PLA2G4D: variants seen among roughly 807,000 people sequenced by gnomAD.
PLA2G4D encodes phospholipase A2 group IVD.
A neutral mutation model predicts 94.4 loss-of-function variants in PLA2G4D; 80 were observed. The observed-to-expected ratio is 0.85, with a 90% CI of 0.71 to 1.02. PLA2G4D has a LOEUF of 1.02. PLA2G4D is among the 50% of genes least tolerant of loss of function. PLA2G4D has a pLI of 0.00. For synonymous variants in PLA2G4D, 438 were observed against 440.9 expected, an observed-to-expected ratio of 0.99 and a Z score of 0.08; for missense variants, 1,050 against 1,034.7, an observed-to-expected ratio of 1.01 and a Z score of -0.20.
intron 13 of PLA2G4D, among the ~76,000 whole-genome samples, chr15:42,078,842 C>T (rs572495329): frequency 6.6e-6 from 1 of 152,188 alleles, no homozygotes; most frequent in African/African-American, 2.4e-5. Context: ...AAAACAACAG[C>T]GTGAAAAAAT....
intron 14 of PLA2G4D, 35 bp from the exon 15 acceptor site, chr15:42,071,946 G>T (rs775121811): frequency 6.2e-7 from 1 of 1,608,114 alleles, no homozygotes; most frequent in African/African-American, 1.3e-5. Context: ...GGAGTGTGAG[G>T]GGAGTGGATT....
At chr15:42,069,819 A>G (rs1889765278) in intron 19 of PLA2G4D, 90 bp downstream of exon 19, 2 of 1,177,240 alleles carry the variant, frequency 1.7e-6, no homozygotes. Context: ...TGGCAGACTC[A>G]TTTCCCTTCC....
chr15:42,069,942 C>G lies in PLA2G4D; in HGVS notation c.2197G>C (p.Val733Leu). 6.9e-7 allele frequency: 1 copy of G among 1,447,282 alleles called. No individual in the cohort carries two copies. Among genetic ancestry groups the G allele is most frequent in the East Asian group, 3.0e-5 (1 of 33,680 alleles). The allele number at this position is 1,447,282 out of a possible 1,614,324, so 89.7% of individuals were successfully genotyped here. ...GAGTGGTCCTTGAAGGAGGCATTGACCAGCGGGAAGTGCAGCAGGATCGGG... is the reference window on the plus strand; with the variant it reads ...GAGTGGTCCTTGAAGGAGGCATTGAGCAGCGGGAAGTGCAGCAGGATCGGG... ...EAPILLHFPL[V>L]NASFKDHSAP... Residue 733 changes from valine to leucine, a missense_variant, in exon 19 of 20, where the codon GTC becomes CTC. Physicochemically the swap from Val to Leu is conservative, Grantham distance 32 (BLOSUM62 1). Transcript: ENST00000290472.
chr15:42,087,151 C>A, intron 3 of PLA2G4D, 149 bp downstream of exon 3: 3 of 1,038,224 alleles, frequency 2.9e-6, no homozygotes, highest in Non-Finnish European at 4.3e-6. Context: ...CATTCCCTTG[C>A]ACACAGCACA....
chr15:42,081,269 C>T, intron 11 of PLA2G4D, 136 bp from the exon 12 acceptor site: 1 of 1,452,792 alleles, frequency 6.9e-7, no homozygotes, highest in East Asian at 2.3e-5. Context: ...AGGGTTAGAG[C>T]TGGGTCCAGC....
chr15:42,077,293 A>G (rs1889949487), intron 13 of PLA2G4D, among the ~76,000 whole-genome samples: 1 of 152,256 alleles, frequency 6.6e-6, no homozygotes, highest in Admixed American at 6.5e-5. Context: ...AGAAAGCTAC[A>G]GGCCAAGATC....
rs979511154 is a variant in PLA2G4D at position 42,084,363 on chromosome 15, C to A, written c.472-584G>T. Among the ~76,000 whole-genome samples the A allele has an allele frequency of 1.3e-5, 2 of 152,204 alleles. No homozygotes were observed. The highest frequency in any genetic ancestry group is 2.9e-5 in the Non-Finnish European group (2 of 68,030). On this transcript the variant is annotated intron_variant, in intron 6 of 19. Coordinates refer to ENST00000290472, the MANE Select transcript of PLA2G4D (RefSeq NM_178034.4). The surrounding 1 kb of genome is among the most constrained non-coding windows in gnomAD (Gnocchi z 4.8). ...GCCCACCTGCTGTGTGTCTCCATCA[C>A]CTCCTAAGAGGCAGTGCCATCGGCT... is the stretch of plus-strand genomic sequence containing the variant.
rs1889737636 is a variant in PLA2G4D, at chr15:42,068,786, T to A, written c.2386A>T (p.Ile796Phe). Residue 796 changes from isoleucine to phenylalanine, a missense_variant, in exon 20 of 20, where the codon ATC becomes TTC. By Grantham distance (21) the Ile-to-Phe change is conservative (BLOSUM62 0). Coordinates refer to ENST00000290472, the MANE Select transcript of PLA2G4D (RefSeq NM_178034.4). ...AGCGCGGTCCTCAGGGCCTGCAGGA[T>A]GGCACCCTGGCTGGTCTGCACGTTG... is the stretch of plus-strand genomic sequence containing the variant. ...DYNVQTSQGAILQALRTALKH... is the reference protein window; with the variant it reads ...DYNVQTSQGAFLQALRTALKH... 1.2e-6 allele frequency: 2 copies of A among 1,613,312 alleles called. No individual in the cohort carries two copies. The highest frequency in any genetic ancestry group is 1.1e-5 in the South Asian group (1 of 90,888).
intron 9 of PLA2G4D, 128 bp downstream of exon 9, chr15:42,082,151 C>G (rs1240920305): frequency 4.8e-6 from 4 of 825,992 alleles, no homozygotes; most frequent in Non-Finnish European, 7.6e-6. Flanking sequence ...AGGCTGTTCT[C>G]AAACTCCTGA....
intron 19 of PLA2G4D, 61 bp downstream of exon 19, chr15:42,069,848 G>T: frequency 7.8e-7 from 1 of 1,288,448 alleles, no homozygotes; most frequent in African/African-American, 1.6e-5. Flanking sequence ...GGCAGCCGGG[G>T]GGCCCAGGGC....
At chr15:42,072,214 T>C in intron 14 of PLA2G4D, 61 bp downstream of exon 14, 2 of 1,410,120 alleles carry the variant, frequency 1.4e-6, no homozygotes, top group Non-Finnish European at 2.0e-6. Flanking sequence ...CTCTGGGGGC[T>C]GTCGGGGTGC....
Position 42,084,721 on chromosome 15 carries a change from C to T in PLA2G4D, c.471+375G>A, listed in dbSNP as rs886864217. On this transcript the variant is annotated intron_variant, in intron 6 of 19. Coordinates refer to ENST00000290472, the MANE Select transcript of PLA2G4D (RefSeq NM_178034.4). The surrounding 1 kb of genome is among the most constrained non-coding windows in gnomAD (Gnocchi z 4.8). ...GGAACTCCCTCTGAGCCTCGGTGAC[C>T]TCAACGTGAACAACCGGAAGGTGGG... 2.6e-5 allele frequency among the ~76,000 whole-genome samples: 4 copies of T among 152,182 alleles called. No individual in the cohort carries two copies. Among genetic ancestry groups the T allele is most frequent in the African/African-American group, 9.7e-5 (4 of 41,448 alleles).
intron 3 of PLA2G4D, among the ~76,000 whole-genome samples, chr15:42,086,628 G>A (rs4923926): frequency 0.081 from 12,378 of 152,026 alleles, 593 homozygotes; most frequent in Middle Eastern, 0.13. Flanking sequence ...AGGTGGGTGG[G>A]TCACCTGATG....
chr15:42,093,605 G>T (rs1890284555), intron 1 of PLA2G4D, among the ~76,000 whole-genome samples: 2 of 152,164 alleles, frequency 1.3e-5, no homozygotes. Flanking sequence ...TCACTGAGGG[G>T]TCCCTCTCAT....
rs1889818758 is a variant in PLA2G4D at position 42,071,562 on chromosome 15, C to T, written c.1574-11G>A. On this transcript the variant is annotated splice_polypyrimidine_tract_variant and intron_variant, in intron 15 of 19. Transcript: ENST00000290472. ...TGTTGCTCCAGATGGCTGAGGAACA[C>T]CAAAAGAGATCAGCCTCAGGCCCCA... is the stretch of plus-strand genomic sequence containing the variant. 1 of 1,605,642 alleles carries T rather than the reference C, an allele frequency of 6.2e-7. No individual in the cohort carries two copies. The highest frequency in any genetic ancestry group is 2.2e-5 in the East Asian group (1 of 44,836).
At chr15:42,087,955 C>T (rs1890184153) in intron 1 of PLA2G4D, among the ~76,000 whole-genome samples, 1 of 152,234 alleles carries the variant, frequency 6.6e-6, no homozygotes, top group African/African-American at 2.4e-5. Flanking sequence ...ACCCCTTCCC[C>T]TTCGGGAACA....
Position 42,086,194 on chromosome 15 carries a change from T to TGGGGGGGGGGGGGGGGGGGGGGGGGGG in PLA2G4D, c.387+18_387+19insCCCCCCCCCCCCCCCCCCCCCCCCCCC. 1 of 1,370,444 alleles carries TGGGGGGGGGGGGGGGGGGGGGGGGGGG rather than the reference T, an allele frequency of 7.3e-7. No homozygotes were observed. 84.9% of individuals were successfully genotyped at this position (1,370,444 alleles called of 1,614,324 possible). ...GGAAGAAGTGGGGCCCACGGGGACT[T>TGGGGGGGGGGGGGGGGGGGGGGGGGGG]CCCCACCCACCCACCCACCTGGGGA... On this transcript the variant is annotated intron_variant, in intron 4 of 19. Coordinates refer to ENST00000290472, the MANE Select transcript of PLA2G4D (RefSeq NM_178034.4).
Position 42,085,107 on chromosome 15 carries a change from T to C in PLA2G4D, c.460A>G (p.Lys154Glu). ...GGGAAGGTGCTTACCACAATGACTT[T>C]GTTGGTGATGAGGTTTTCTGGGCGA... is the stretch of plus-strand genomic sequence containing the variant. ...SDRPENLITN[K>E]VIVARELSCL... The change falls in exon 6 of 20, where the codon AAA becomes GAA. Residue 154 changes from lysine (K) to glutamate (E), a missense_variant. Transcript: ENST00000290472. 1.2e-6 allele frequency: 2 copies of C among 1,614,160 alleles called. No homozygotes were observed. Among genetic ancestry groups the C allele is most frequent in the South Asian group, 1.1e-5 (1 of 91,076 alleles).
rs561134526 is a variant in PLA2G4D at position 42,071,633 on chromosome 15, C to G, written c.1574-82G>C. On this transcript the variant is annotated intron_variant, in intron 15 of 19. Transcript: ENST00000290472. ...GTACTGATGGAAAATGGGAGTGGGG[C>G]GAGGGCTACCCCTACAATGCATCCC... is the stretch of plus-strand genomic sequence containing the variant. The G allele has an allele frequency of 1.8e-3, 2,673 of 1,494,322 alleles. 4 individuals are homozygous for G. The highest frequency in any genetic ancestry group is 2.3e-3 in the Middle Eastern group (12 of 5,308). The allele number at this position is 1,494,322 out of a possible 1,614,324, so 92.6% of individuals were successfully genotyped here.
Sources: allele counts gnomAD v4.1 joint callset (sites outside exome capture counted in the v4.1 genomes callset), GRCh38; gene constraint gnomAD v4.1.1; non-coding constraint Gnocchi (gnomAD v3.1); transcripts MANE v1.5; gene names NCBI Gene and HGNC (gene_info 2026-07-23, HGNC 2026-07-21).